The following VPS37C variants were observed in gnomAD, a reference collection of about 807,000 sequenced individuals.
VPS37C encodes the protein vacuolar protein sorting-associated protein 37C.
In VPS37C, 9 loss-of-function variants were observed where a neutral mutation model predicts 16.1. The ratio of observed to expected loss-of-function variants is 0.56; its 90% CI spans 0.34 to 0.97. The LOEUF (loss-of-function observed/expected upper bound fraction) is 0.97, where lower values mean the gene tolerates loss of function less well. Among genes scored for constraint, VPS37C ranks in the 50% least tolerant of loss-of-function variants. The pLI, the probability that VPS37C is intolerant of heterozygous loss-of-function variation, is 0.02. For synonymous variants in VPS37C, 207 were observed against 206.4 expected (o/e 1.00, Z -0.02); for missense variants, 479 against 472.7 (o/e 1.01, Z -0.12).
intron 1 of VPS37C, among the ~76,000 whole-genome samples, chr11:61,142,109 C>A (rs595158): frequency 0.57 from 86,025 of 152,142 alleles, 25,188 homozygotes; most frequent in East Asian, 0.99. Flanking sequence ...CAGCCTCCAA[C>A]AACACATCGC....
chr11:61,150,872 T>C (rs948731), intron 1 of VPS37C, among the ~76,000 whole-genome samples: 113,034 of 152,082 alleles, frequency 0.74, 43,527 homozygotes, highest in East Asian at 1. Flanking sequence ...GCCTCACTGT[T>C]CCATCAGTGT....
intron 1 of VPS37C, among the ~76,000 whole-genome samples, chr11:61,158,110 A>G (rs1338418474): frequency 6.6e-6 from 1 of 152,262 alleles, no homozygotes; most frequent in East Asian, 1.9e-4. Context: ...AGCTTCAGGT[A>G]TTCCTTTATA....
Position 61,134,054 on chromosome 11 carries a change from C to T in VPS37C, c.247G>A (p.Glu83Lys), listed in dbSNP as rs769035667. ...ELRKLVERCQ[E>K]QKAKLEKFSS... ...ACCCTACCCAGCTTTGCCTTCTGCTCCTGGCACCGCTCCACGAGCTTCCGG... is the reference window on the plus strand; with the variant it reads ...ACCCTACCCAGCTTTGCCTTCTGCTTCTGGCACCGCTCCACGAGCTTCCGG... The change falls in exon 3 of 5, where the codon GAG (glutamate) becomes AAG (lysine). Residue 83 changes from glutamate to lysine, a missense_variant. Transcript: ENST00000301765. The T allele has an allele frequency of 6.2e-7, 1 of 1,611,824 alleles. No homozygotes were observed. Among genetic ancestry groups the T allele is most frequent in the South Asian group, 1.1e-5 (1 of 91,014 alleles).
intron 1 of VPS37C, among the ~76,000 whole-genome samples, chr11:61,156,658 CA>C (rs1299646557): frequency 6.6e-6 from 1 of 152,172 alleles, no homozygotes; most frequent in Non-Finnish European, 1.5e-5. Context: ...TATAAAGACA[CA>C]AATTGTTTAG....
chr11:61,146,634 C>T (rs1590790647), intron 1 of VPS37C, among the ~76,000 whole-genome samples: 1 of 152,244 alleles, frequency 6.6e-6, no homozygotes. Context: ...ACAGGTACAG[C>T]AGAAAACACC....
At chr11:61,142,975 T>TAAAAAAAAAAAAAAAAAAAAAAAAAAGAA in intron 1 of VPS37C, among the ~76,000 whole-genome samples, 11 of 47,572 alleles carry the variant, frequency 2.3e-4, no homozygotes, top group Non-Finnish European at 3.8e-4. Context: ...AAAGAATAGC[T>TAAAAAAAAAAAAAAAAAAAAAAAAAAGAA]AAAAAAAAAA....
chr11:61,133,435 A>G, intron 3 of VPS37C, 98 bp from the exon 4 acceptor site: 1 of 1,238,932 alleles, frequency 8.1e-7, no homozygotes, highest in South Asian at 1.4e-5. Flanking sequence ...AGGCCCAGCC[A>G]CCACAGCAGG....
intron 1 of VPS37C, among the ~76,000 whole-genome samples, chr11:61,157,864 C>G (rs1404552655): frequency 6.6e-6 from 1 of 152,184 alleles, no homozygotes; most frequent in Non-Finnish European, 1.5e-5. Flanking sequence ...TGGCTTGGTG[C>G]CCTCCCACAG....
At chr11:61,137,733 C>A (rs527634050) in intron 2 of VPS37C, among the ~76,000 whole-genome samples, 1 of 152,236 alleles carries the variant, frequency 6.6e-6, no homozygotes, top group East Asian at 1.9e-4. Flanking sequence ...AGGATGTGGC[C>A]CATGGTGTCC....
At chr11:61,153,698 T>G (rs1220624638) in intron 1 of VPS37C, among the ~76,000 whole-genome samples, 1 of 152,164 alleles carries the variant, frequency 6.6e-6, no homozygotes. Context: ...AAGTTACTCC[T>G]AGAGGGACTC....
At chr11:61,143,362 A>ATTTTTTT (rs779076399) in intron 1 of VPS37C, 12 of 52,286 alleles carry the variant, frequency 2.3e-4, no homozygotes, top group Non-Finnish European at 3.5e-4. Flanking sequence ...AGGATTCTTA[A>ATTTTTTT]TTTTTTTTTT....
chr11:61,132,354 CG>C lies in VPS37C; in HGVS notation c.533del (p.Pro178ArgfsTer21), dbSNP rs1341703463. The C allele has an allele frequency of 4.2e-6, 6 of 1,443,206 alleles. No individual in the cohort carries two copies. The highest frequency in any genetic ancestry group is 5.6e-6 in the Non-Finnish European group (6 of 1,075,512). The allele number at this position is 1,443,206 out of a possible 1,614,324, so 89.4% of individuals were successfully genotyped here. A position where few individuals can be genotyped will look rare whatever the true frequency, so the allele number is the denominator to read the frequency against. On this transcript the variant is annotated frameshift_variant, in exon 5 of 5. Coordinates refer to ENST00000301765, the MANE Select transcript of VPS37C (RefSeq NM_017966.5). LOFTEE classifies it low-confidence loss of function (END_TRUNC). ...GDAPPPRPPP[P>X]VRPVPQGTPP... ...GTGTTCCCTGGGGGACTGGGCGCACCGGGGGTGGTGGACGGGGTGGAGGGGC... is the reference window on the plus strand; with the variant it reads ...GTGTTCCCTGGGGGACTGGGCGCACCGGGGTGGTGGACGGGGTGGAGGGGC...
intron 2 of VPS37C, among the ~76,000 whole-genome samples, chr11:61,135,088 A>G (rs1861343084): frequency 6.6e-6 from 1 of 152,232 alleles, no homozygotes; most frequent in Non-Finnish European, 1.5e-5. Context: ...GGGCGCAGGG[A>G]ACAGCTCAGC....
At chr11:61,157,777 C>T (rs934756595) in intron 1 of VPS37C, among the ~76,000 whole-genome samples, 1 of 152,180 alleles carries the variant, frequency 6.6e-6, no homozygotes, top group African/African-American at 2.4e-5. Context: ...CCTCCAAATC[C>T]GTTAAAATTT....
At chr11:61,133,902 G>A in intron 3 of VPS37C, 134 bp downstream of exon 3, 1 of 1,066,574 alleles carries the variant, frequency 9.4e-7, no homozygotes, top group Non-Finnish European at 1.3e-6. Context: ...ATAAAATGGA[G>A]TAACAACAGT....
At chr11:61,135,218 T>C (rs1210942621) in intron 2 of VPS37C, among the ~76,000 whole-genome samples, 1 of 152,202 alleles carries the variant, frequency 6.6e-6, no homozygotes, top group Non-Finnish European at 1.5e-5. Context: ...AGGAAGCCCG[T>C]GGGCATTCTG....
chr11:61,142,114 C>A (rs1465303407), intron 1 of VPS37C, among the ~76,000 whole-genome samples: 1 of 152,254 alleles, frequency 6.6e-6, no homozygotes, highest in African/African-American at 2.4e-5. Context: ...TCCAACAACA[C>A]ATCGCAAACT....
chr11:61,133,975 C>T, intron 3 of VPS37C, 61 bp downstream of exon 3: 1 of 1,550,950 alleles, frequency 6.4e-7, no homozygotes. Flanking sequence ...GGGCTGGGAA[C>T]ACGGTGGGCC....
intron 1 of VPS37C, among the ~76,000 whole-genome samples, chr11:61,139,410 A>G (rs1861434347): frequency 6.6e-6 from 1 of 151,928 alleles, no homozygotes; most frequent in Admixed American, 6.6e-5. Context: ...TGTGCCACCA[A>G]AATGGACTGT....
Sources: allele counts gnomAD v4.1 joint callset (sites outside exome capture counted in the v4.1 genomes callset), GRCh38; gene constraint gnomAD v4.1.1; transcripts MANE v1.5; gene names NCBI Gene and HGNC (gene_info 2026-07-23, HGNC 2026-07-21).